Variants in DCAF8 observed in about 807,000 individuals in gnomAD.
The protein encoded by DCAF8 is DDB1- and CUL4-associated factor 8.
Under a neutral mutation model 68.0 loss-of-function variants are expected in DCAF8, and 20 were observed. The ratio of observed to expected loss-of-function variants is 0.29; its 90% CI spans 0.21 to 0.43. The LOEUF is 0.43. Ranked by LOEUF, DCAF8 falls within the 20% of genes least tolerant of loss-of-function variation. The pLI, the probability that DCAF8 is intolerant of heterozygous loss-of-function variation, is 1.00. For missense variants in DCAF8, 460 were observed against 771.0 expected (o/e 0.60, Z 4.78); for synonymous variants, 230 against 276.9 (o/e 0.83, Z 1.68).
At chr1:160,222,883 T>C in intron 10 of DCAF8, 102 bp from the exon 11 acceptor site, 2 of 1,488,850 alleles carry the variant, frequency 1.3e-6, no homozygotes, top group Non-Finnish European at 1.8e-6. Flanking sequence ...CTAAATCAGC[T>C]AGATTATGCA....
At chr1:160,234,509 AT>A (rs1316361593) in intron 6 of DCAF8, among the ~76,000 whole-genome samples, 1 of 152,214 alleles carries the variant, frequency 6.6e-6, no homozygotes, top group African/African-American at 2.4e-5. Context: ...AAATTCAATA[AT>A]CTGCCAAAGT....
intron 6 of DCAF8, among the ~76,000 whole-genome samples, chr1:160,236,344 ATG>A (rs1160217879): frequency 9.2e-5 from 14 of 151,790 alleles, no homozygotes; most frequent in South Asian, 4.2e-4. Context: ...ATGTGTGTAT[ATG>A]TGTGTACATA....
chr1:160,242,218 T>G (rs148327428), intron 3 of DCAF8, among the ~76,000 whole-genome samples: 6 of 150,886 alleles, frequency 4.0e-5, no homozygotes, highest in Admixed American at 4.0e-4. Flanking sequence ...GTACTCCAGC[T>G]TGGTAACAAG....
At chr1:160,249,098 G>A (rs1172865867) in intron 2 of DCAF8, among the ~76,000 whole-genome samples, 1 of 151,764 alleles carries the variant, frequency 6.6e-6, no homozygotes, top group Non-Finnish European at 1.5e-5. Flanking sequence ...GCTGAGACAG[G>A]AGAATCGCTT....
At chr1:160,233,434 A>G (rs1655762894) in intron 6 of DCAF8, among the ~76,000 whole-genome samples, 1 of 152,180 alleles carries the variant, frequency 6.6e-6, no homozygotes, top group African/African-American at 2.4e-5. Context: ...GGCACTGAAA[A>G]TGAATGTCAT....
At chr1:160,230,558 G>A (rs1655643625) in intron 7 of DCAF8, among the ~76,000 whole-genome samples, 1 of 152,132 alleles carries the variant, frequency 6.6e-6, no homozygotes, top group Non-Finnish European at 1.5e-5. Context: ...GACAGTGAGA[G>A]CCAAAAAACC....
At position 160,218,332 on chromosome 1, in the gene DCAF8, G is replaced by A. The variant is rs1315722812; in HGVS notation, c.1669C>T (p.His557Tyr). ...FLMHHLRQRR[H>Y]HRRWREPGVG... ...TTCCAACCCTAGCTTACCCGGTGAT[G>A]GCGTCTCTGTCTCAGGTGATGCATA... The change falls in exon 13 of 14, where the codon CAT becomes TAT. Residue 557 changes from histidine (H) to tyrosine (Y), a missense_variant. His to Tyr is a moderately conservative substitution (Grantham distance 83). Coordinates refer to ENST00000368074, the MANE Select transcript of DCAF8 (RefSeq NM_015726.4). The A allele has an allele frequency of 2.5e-6, 4 of 1,613,454 alleles. No homozygotes were observed. The highest frequency in any genetic ancestry group is 8.5e-7 in the Non-Finnish European group (1 of 1,179,378).
chr1:160,248,002 A>G, intron 2 of DCAF8, among the ~76,000 whole-genome samples: 1 of 152,254 alleles, frequency 6.6e-6, no homozygotes, highest in East Asian at 1.9e-4. Flanking sequence ...AGTTGGATTT[A>G]TCAAAATTAA....
At chr1:160,233,064 T>C (rs1166850111) in intron 6 of DCAF8, among the ~76,000 whole-genome samples, 1 of 147,508 alleles carries the variant, frequency 6.8e-6, no homozygotes, top group Non-Finnish European at 1.5e-5. Context: ...GCTTTAGTTT[T>C]TGTTTTTAAG....
intron 6 of DCAF8, among the ~76,000 whole-genome samples, chr1:160,232,172 G>A (rs955327558): frequency 3.3e-5 from 5 of 151,374 alleles, no homozygotes; most frequent in Admixed American, 2.0e-4. Flanking sequence ...ATCATGCCAC[G>A]GTACTCCAGC....
Position 160,244,018 on chromosome 1 carries a change from T to G in DCAF8, c.-10A>C. On this transcript the variant is annotated 5_prime_UTR_variant, in exon 3 of 14. Transcript: ENST00000368074. The stretch of plus-strand genomic sequence containing the variant: ...TCCCTTTGCTGGACATCTTGAATGA[T>G]GTTTGCTGTAGCCAGCCTGGGTTTG... 1.3e-5 allele frequency: 21 copies of G among 1,614,166 alleles called. No individual in the cohort carries two copies. The highest frequency in any genetic ancestry group is 1.8e-5 in the Non-Finnish European group (21 of 1,180,012).
At chr1:160,242,327 G>A (rs1486832398) in intron 3 of DCAF8, among the ~76,000 whole-genome samples, 2 of 151,414 alleles carry the variant, frequency 1.3e-5, no homozygotes, top group Admixed American at 1.3e-4. Flanking sequence ...ATGAAGTACA[G>A]AAATTTGAAC....
At chr1:160,254,888 A>G (rs1199298671) in intron 2 of DCAF8, among the ~76,000 whole-genome samples, 1 of 152,200 alleles carries the variant, frequency 6.6e-6, no homozygotes, top group Non-Finnish European at 1.5e-5. Flanking sequence ...TTTGAATTCT[A>G]CCTCTACCAC....
At chr1:160,222,932 G>A in intron 10 of DCAF8, 151 bp from the exon 11 acceptor site, 3 of 1,195,330 alleles carry the variant, frequency 2.5e-6, no homozygotes, top group East Asian at 2.5e-5. Flanking sequence ...CCAGTCCCAA[G>A]AGATGATTTA....
intron 5 of DCAF8, 52 bp from the exon 6 acceptor site, chr1:160,237,281 T>A: frequency 3.3e-6 from 4 of 1,230,264 alleles, no homozygotes; most frequent in Non-Finnish European, 4.6e-6. Context: ...GAATTAGAGG[T>A]CATCTAGTTC....
At chr1:160,239,670 A>T (rs1031679559) in intron 4 of DCAF8, 27 bp downstream of exon 4, 1 of 1,614,054 alleles carries the variant, frequency 6.2e-7, no homozygotes, top group African/African-American at 1.3e-5. Context: ...TGATTCTCTC[A>T]GTTGCTATTA....
At chr1:160,219,238 G>C (rs954352930) in intron 11 of DCAF8, 5 of 339,658 alleles carry the variant, frequency 1.5e-5, no homozygotes, top group African/African-American at 1.0e-4. Context: ...GGGTGGGTGA[G>C]TGGACTGCCC....
intron 2 of DCAF8, among the ~76,000 whole-genome samples, chr1:160,244,391 T>C (rs184959279): frequency 3.3e-5 from 5 of 152,328 alleles, no homozygotes; most frequent in African/African-American, 7.2e-5. Context: ...CTCAACTCAA[T>C]ACATAAAGCT....
chr1:160,244,455 T>C (rs911266488), intron 2 of DCAF8, among the ~76,000 whole-genome samples: 1 of 152,198 alleles, frequency 6.6e-6, no homozygotes, highest in African/African-American at 2.4e-5. Flanking sequence ...AAGTGACATA[T>C]GTATCCTCAA....
Sources: gnomAD v4.1 joint callset for allele counts (sites outside exome capture counted in the v4.1 genomes callset) on GRCh38, gnomAD v4.1.1 for gene constraint, MANE v1.5 for transcripts, NCBI Gene and HGNC (gene_info 2026-07-23, HGNC 2026-07-21) for gene names.